APC: variants seen among roughly 807,000 people sequenced by gnomAD.
The protein encoded by APC is adenomatous polyposis coli protein.
APC carries 72 observed loss-of-function variants against 247.0 expected under a neutral mutation model. The ratio of observed to expected loss-of-function variants is 0.29; its 90% CI spans 0.24 to 0.35. The LOEUF (loss-of-function observed/expected upper bound fraction) is 0.35, where lower values mean the gene tolerates loss of function less well. APC is among the 10% of genes least tolerant of loss of function. APC has a pLI of 1.00. For synonymous variants in APC, 1,254 were observed against 1,162.5 expected, an observed-to-expected ratio of 1.08 and a Z score of -1.60; for missense variants, 3,400 against 3,360.7, an observed-to-expected ratio of 1.01 and a Z score of -0.29.
intron 1 of APC, among the ~76,000 whole-genome samples, chr5:112,717,254 G>T (rs1205721825): frequency 6.6e-6 from 1 of 152,086 alleles, no homozygotes. Context: ...CTCCCAGAAT[G>T]CTGGGATTAC....
rs1304466462 is a variant in APC, at chr5:112,837,832, C to T, written c.2238C>T (p.Gly746=). 1 of 1,613,970 alleles carries T rather than the reference C, an allele frequency of 6.2e-7. No homozygotes were observed. Among genetic ancestry groups the T allele is most frequent in the South Asian group, 1.1e-5 (1 of 91,078 alleles). ...AGGATGCCAATATTATGTCTCCTGGCTCAAGCTTGCCATCTCTTCATGTTA... is the reference window on the plus strand; with the variant it reads ...AGGATGCCAATATTATGTCTCCTGGTTCAAGCTTGCCATCTCTTCATGTTA... The part of the protein sequence containing the change: ...KYKDANIMSP[G]SSLPSLHVRK... The change falls in exon 16 of 16, where the codon GGC becomes GGT. Residue 746 remains glycine, a synonymous_variant. Transcript: ENST00000257430.
rs781734502 is a variant in APC at position 112,843,526 on chromosome 5, T to A, written c.7932T>A (p.Ile2644=). 4 of 1,613,660 alleles carry A rather than the reference T, an allele frequency of 2.5e-6. No individual in the cohort carries two copies. The Admixed American group carries it at 5.0e-5, about 20-fold the overall frequency. Reference sequence around the variant, plus strand: ...ATGGTGCTGAATCAAAGACTCTAATTTATCAAATGGCACCTGCTGTTTCTA... The same window carrying A: ...ATGGTGCTGAATCAAAGACTCTAATATATCAAATGGCACCTGCTGTTTCTA... ...ATNGAESKTL[I]YQMAPAVSKT... is the part of the protein sequence containing the mutation. The change falls in exon 16 of 16, where the codon ATT becomes ATA. Residue 2644 remains isoleucine, a synonymous_variant. Transcript: ENST00000257430. This position sits in a 1 kb window ranked among gnomAD's most constrained non-coding sequence, Gnocchi z 4.8.
At chr5:112,716,776 A>G (rs1486544545) in intron 1 of APC, among the ~76,000 whole-genome samples, 1 of 152,224 alleles carries the variant, frequency 6.6e-6, no homozygotes, top group Admixed American at 6.5e-5. Context: ...AACATTATCA[A>G]GTTTCCTCTT....
At chr5:112,718,129 T>C (rs1751286164) in intron 1 of APC, among the ~76,000 whole-genome samples, 1 of 151,928 alleles carries the variant, frequency 6.6e-6, no homozygotes, top group African/African-American at 2.4e-5. Context: ...GTTTTCAATT[T>C]TAAGCAAAAA....
At chr5:112,767,855 T>TA (rs1756535086) in intron 4 of APC, among the ~76,000 whole-genome samples, 1 of 151,472 alleles carries the variant, frequency 6.6e-6, no homozygotes, top group African/African-American at 2.4e-5. Flanking sequence ...GGTTATCACT[T>TA]AAATACTTTG....
chr5:112,760,704 A>T (rs747307843), intron 2 of APC, among the ~76,000 whole-genome samples: 1 of 152,174 alleles, frequency 6.6e-6, no homozygotes, highest in African/African-American at 2.4e-5. Flanking sequence ...TGCTGAGGAG[A>T]TGGAGAACTT....
In APC at chr5:112,770,501, C is replaced by T. The variant is rs180944551; in HGVS notation, c.422+3111C>T. ...GTTTTTCTCCCAAAATATGGCCCAA[C>T]TTCTAATTCAGGCTTTATTACACTC... On this transcript the variant is annotated intron_variant, in intron 4 of 15. Coordinates refer to ENST00000257430, the MANE Select transcript of APC (RefSeq NM_000038.6). Among the ~76,000 whole-genome samples, 115 of 152,230 alleles carry T rather than the reference C, an allele frequency of 7.6e-4. No individual in the cohort carries two copies. In the Middle Eastern group the frequency reaches 0.01, roughly 14 times the overall value.
At chr5:112,781,820 T>C (rs148485905) in intron 6 of APC, among the ~76,000 whole-genome samples, 38 of 151,920 alleles carry the variant, frequency 2.5e-4, no homozygotes, top group Non-Finnish European at 5.0e-4. Flanking sequence ...TGCAATGGCA[T>C]GATCTCACCT....
chr5:112,830,722 A>G (rs977562541), intron 14 of APC, among the ~76,000 whole-genome samples: 5 of 152,222 alleles, frequency 3.3e-5, no homozygotes, highest in Non-Finnish European at 5.9e-5. Context: ...AAGAATGACT[A>G]TTGATACATG....
chr5:112,710,968 A>G (rs1049556853), intron 1 of APC, among the ~76,000 whole-genome samples: 2 of 152,238 alleles, frequency 1.3e-5, no homozygotes, highest in African/African-American at 4.8e-5. Flanking sequence ...CCATTTCACC[A>G]CTGAAACTAC....
intron 2 of APC, 57 bp from the exon 3 acceptor site, chr5:112,766,269 A>T: frequency 3.2e-6 from 4 of 1,263,104 alleles, no homozygotes; most frequent in Non-Finnish European, 4.6e-6. Context: ...GAAATACAGA[A>T]TCATGTCTTG....
At position 112,787,993 on chromosome 5, in the gene APC, G is replaced by A. The variant is rs569795349; in HGVS notation, c.646-4453G>A. On this transcript the variant is annotated intron_variant, in intron 6 of 15. Coordinates refer to ENST00000257430, the MANE Select transcript of APC (RefSeq NM_000038.6). Reference sequence around the variant, plus strand: ...ATGTGTGTATATATAGTTATGTATAGTCATACATACATATATTTATGTTGT... The same window carrying A: ...ATGTGTGTATATATAGTTATGTATAATCATACATACATATATTTATGTTGT... 2.2e-3 allele frequency among the ~76,000 whole-genome samples: 337 copies of A among 152,132 alleles called. 3 individuals carry two copies. Among genetic ancestry groups the A allele is most frequent in the African/African-American group, 7.7e-3 (321 of 41,504 alleles).
intron 2 of APC, among the ~76,000 whole-genome samples, chr5:112,761,460 T>C (rs1474074485): frequency 6.6e-6 from 1 of 152,100 alleles, no homozygotes; most frequent in Admixed American, 6.5e-5. Flanking sequence ...CAAATAGATA[T>C]TCTAGAACTG....
chr5:112,710,145 C>A (rs975393399), intron 1 of APC, among the ~76,000 whole-genome samples: 15 of 152,104 alleles, frequency 9.9e-5, no homozygotes, highest in Non-Finnish European at 1.9e-4. Context: ...AGTCCCCAAT[C>A]CTAAATAAGC....
In APC at chr5:112,707,567, G is replaced by C. The variant is rs1029997545; in HGVS notation, c.-151G>C. The C allele has an allele frequency of 8.7e-5, 67 of 770,698 alleles. 2 individuals are homozygous for C. Among genetic ancestry groups the C allele is most frequent in the South Asian group, 8.4e-4 (50 of 59,358 alleles). The allele number at this position is 770,698 out of a possible 1,614,324, so 47.7% of individuals were successfully genotyped here. On this transcript the variant is annotated 5_prime_UTR_variant, in exon 1 of 14. Coordinates refer to the APC transcript ENST00000507379. ...AGCAAGGGGGCGGGGTGTGGCCGCC[G>C]GAAGCCTAGCCGCTGCTCGGGGGGG...
intron 8 of APC, among the ~76,000 whole-genome samples, chr5:112,803,526 G>C (rs975350906): frequency 2.6e-5 from 4 of 152,150 alleles, no homozygotes; most frequent in African/African-American, 9.7e-5. Context: ...AGTAAAATAA[G>C]ATGATGATAA....
rs559139818 is a variant in APC at position 112,845,726 on chromosome 5, T to G, written c.*1600T>G. Reference sequence around the variant, plus strand: ...TCTTCCTTCCTGAAGGAAAATAAACTGACACTTATTAACTAAGATAATTTA... The same window carrying G: ...TCTTCCTTCCTGAAGGAAAATAAACGGACACTTATTAACTAAGATAATTTA... On this transcript the variant is annotated 3_prime_UTR_variant, in exon 16 of 16. Transcript: ENST00000257430. 3.4e-5 allele frequency: 8 copies of G among 232,088 alleles called. No individual in the cohort carries two copies. Among genetic ancestry groups the G allele is most frequent in the Non-Finnish European group, 6.0e-5 (7 of 117,410 alleles). 14.4% of individuals were successfully genotyped at this position (232,088 alleles called of 1,614,324 possible).
rs2149882414 is a variant in APC, at chr5:112,838,611, A to T, written c.3017A>T (p.His1006Leu). 1 of 1,614,198 alleles carries T rather than the reference A, an allele frequency of 6.2e-7. No homozygotes were observed. ...GGTCAATACCCAGCCGACCTAGCCCATAAAATACATAGTGCAAATCATATG... is the reference window on the plus strand; with the variant it reads ...GGTCAATACCCAGCCGACCTAGCCCTTAAAATACATAGTGCAAATCATATG... ...SYGQYPADLA[H>L]KIHSANHMDD... Residue 1006 changes from histidine (H) to leucine (L), a missense_variant, in exon 16 of 16, where the codon CAT (histidine) becomes CTT (leucine). Physicochemically the swap from His to Leu is moderately conservative, Grantham distance 99 (BLOSUM62 -3). Transcript: ENST00000257430.
At chr5:112,819,813 T>G (rs1413568615) in intron 10 of APC, among the ~76,000 whole-genome samples, 1 of 152,116 alleles carries the variant, frequency 6.6e-6, no homozygotes, top group African/African-American at 2.4e-5. Flanking sequence ...CCTACTGAAG[T>G]AGGAAGGGAA....
Sources: gnomAD v4.1 joint callset for allele counts (sites outside exome capture counted in the v4.1 genomes callset) on GRCh38, gnomAD v4.1.1 for gene constraint, Gnocchi (gnomAD v3.1) non-coding constraint, MANE v1.5 for transcripts, NCBI Gene and HGNC (gene_info 2026-07-23, HGNC 2026-07-21) for gene names.